The following CCDC174 variants were observed in gnomAD, a reference collection of about 807,000 sequenced individuals.
CCDC174 encodes the protein coiled-coil domain containing 174, also known as coiled-coil domain-containing protein 174.
In CCDC174, 37 loss-of-function variants were observed where a neutral mutation model predicts 57.1. The ratio of observed to expected loss-of-function variants is 0.65; its 90% CI spans 0.50 to 0.85. The LOEUF is 0.85. Ranked by LOEUF, CCDC174 falls within the 40% of genes least tolerant of loss-of-function variation. The pLI is 0.00. For synonymous variants in CCDC174, 182 were observed against 190.2 expected, an observed-to-expected ratio of 0.96 and a Z score of 0.35; for missense variants, 540 against 574.3, an observed-to-expected ratio of 0.94 and a Z score of 0.61.
chr3:14,667,079 A>G lies in CCDC174; in HGVS notation c.724+132A>G, dbSNP rs2031367917. On this transcript the variant is annotated intron_variant, in intron 7 of 10. Coordinates refer to ENST00000383794, the MANE Select transcript of CCDC174 (RefSeq NM_016474.5). ...AGATCCTGCTTTGGAAATAGAAAATATCTCCTTTGTTCACTTCATAGCCTT... is the reference window on the plus strand; with the variant it reads ...AGATCCTGCTTTGGAAATAGAAAATGTCTCCTTTGTTCACTTCATAGCCTT... 22 of 783,192 alleles carry G rather than the reference A, an allele frequency of 2.8e-5. No homozygotes were observed. In the South Asian group the frequency reaches 4.4e-4, roughly 15 times the overall value. The allele number at this position is 783,192 out of a possible 1,614,324, so 48.5% of individuals were successfully genotyped here.
chr3:14,666,568 A>G (rs1431130839), intron 6 of CCDC174, among the ~76,000 whole-genome samples: 1 of 152,070 alleles, frequency 6.6e-6, no homozygotes, highest in African/African-American at 2.4e-5. Context: ...GGTTGCAGTG[A>G]GCCGAGATCG....
chr3:14,667,498 T>G lies in CCDC174; in HGVS notation c.799T>G (p.Leu267Val). 1 of 1,613,674 alleles carries G rather than the reference T, an allele frequency of 6.2e-7. No individual in the cohort carries two copies. The change falls in exon 8 of 11, where the codon TTA (leucine) becomes GTA (valine). Residue 267 changes from leucine (L) to valine (V), a missense_variant. Leu to Val is a conservative substitution (Grantham distance 32). Coordinates refer to ENST00000383794, the MANE Select transcript of CCDC174 (RefSeq NM_016474.5). ...KELRNKQMKT[L>V]EMLREQTTDQ... ...GTTGAGAAACAAGCAGATGAAAACC[T>G]TAGAGATGCTGCGTGAACAGGTACA...
At chr3:14,655,697 A>G (rs921636402) in intron 3 of CCDC174, 68 bp downstream of exon 3, 4 of 1,001,968 alleles carry the variant, frequency 4.0e-6, no homozygotes, top group Non-Finnish European at 4.5e-6. Flanking sequence ...TGGAAGTTCA[A>G]ATTTTGTCCT....
intron 3 of CCDC174, among the ~76,000 whole-genome samples, chr3:14,656,268 G>T (rs1373439218): frequency 6.6e-6 from 1 of 152,016 alleles, no homozygotes; most frequent in Non-Finnish European, 1.5e-5. Context: ...GTACAATTAT[G>T]TATTTTATAG....
At chr3:14,654,074 A>C (rs2030869764) in intron 1 of CCDC174, among the ~76,000 whole-genome samples, 1 of 152,260 alleles carries the variant, frequency 6.6e-6, no homozygotes, top group African/African-American at 2.4e-5. Flanking sequence ...AAATGAGTGC[A>C]GTGCTAGTCA....
intron 7 of CCDC174, 44 bp downstream of exon 7, chr3:14,666,991 T>C: frequency 6.6e-7 from 1 of 1,508,528 alleles, no homozygotes; most frequent in Non-Finnish European, 9.0e-7. Context: ...ATTTTTAACC[T>C]TAAACTGATG....
At chr3:14,661,121 GC>G (rs1351638426) in intron 4 of CCDC174, among the ~76,000 whole-genome samples, 3 of 152,196 alleles carry the variant, frequency 2.0e-5, no homozygotes, top group Non-Finnish European at 4.4e-5. Context: ...TAGTGATCCA[GC>G]CCACATGGTG....
chr3:14,665,046 T>C lies in CCDC174; in HGVS notation c.504T>C (p.Ser168=). The change falls in exon 6 of 11, where the codon TCT becomes TCC. Residue 168 remains serine, a synonymous_variant. Coordinates refer to ENST00000383794, the MANE Select transcript of CCDC174 (RefSeq NM_016474.5). ...ATTTCAGGGTGGATTACGTGGACTC[T>C]TTGGGGCGTTCCCGGCGCTGTATGA... ...PSEEWVDYVD[S]LGRSRRCMRK... The C allele has an allele frequency of 6.2e-7, 1 of 1,614,052 alleles. No individual in the cohort carries two copies. Among genetic ancestry groups the C allele is most frequent in the Non-Finnish European group, 8.5e-7 (1 of 1,179,916 alleles).
In CCDC174 at chr3:14,651,938, A is replaced by G; in HGVS notation, c.42+60A>G. The G allele has an allele frequency of 1.9e-6, 3 of 1,541,732 alleles. No individual in the cohort carries two copies. The African/African-American group carries it at 4.1e-5, about 21-fold the overall frequency. On this transcript the variant is annotated intron_variant, in intron 1 of 10. Coordinates refer to ENST00000383794, the MANE Select transcript of CCDC174 (RefSeq NM_016474.5). ...GGGTTCACCGTGTCTCCATCAGACA[A>G]GAATGTCGACCTAGCTTGTTTCTTC...
At chr3:14,660,576 T>C (rs2031097644) in intron 4 of CCDC174, among the ~76,000 whole-genome samples, 1 of 152,240 alleles carries the variant, frequency 6.6e-6, no homozygotes, top group Admixed American at 6.5e-5. Context: ...ATGTTGTTAA[T>C]ATAGAAATCA....
chr3:14,664,929 T>G, intron 5 of CCDC174, 99 bp from the exon 6 acceptor site: 1 of 816,614 alleles, frequency 1.2e-6, no homozygotes. Context: ...TTCTTGGTAG[T>G]GAGGCCTATC....
chr3:14,669,671 C>G (rs1415684705), intron 9 of CCDC174, among the ~76,000 whole-genome samples: 2 of 152,170 alleles, frequency 1.3e-5, no homozygotes, highest in African/African-American at 4.8e-5. Flanking sequence ...CAGCCCGTAT[C>G]ACTTTCTACC....
intron 5 of CCDC174, among the ~76,000 whole-genome samples, chr3:14,663,860 T>A (rs1171188564): frequency 6.6e-6 from 1 of 152,260 alleles, no homozygotes; most frequent in East Asian, 1.9e-4. Context: ...TGCCACCATA[T>A]GGTGAAGGAA....
At chr3:14,652,540 C>T (rs1172414505) in intron 1 of CCDC174, among the ~76,000 whole-genome samples, 1 of 152,164 alleles carries the variant, frequency 6.6e-6, no homozygotes, top group Non-Finnish European at 1.5e-5. Context: ...CTATTAATAT[C>T]TCCGTTTTAT....
At position 14,658,884 on chromosome 3, in the gene CCDC174, G is replaced by C. The variant is rs767043059; in HGVS notation, c.262G>C (p.Glu88Gln). 30 of 1,537,084 alleles carry C rather than the reference G, an allele frequency of 2.0e-5. No homozygotes were observed. Among genetic ancestry groups the C allele is most frequent in the Non-Finnish European group, 2.6e-5 (29 of 1,124,650 alleles). Residue 88 changes from glutamate (E) to glutamine (Q), a missense_variant, in exon 4 of 11, where the codon GAA (glutamate) becomes CAA (glutamine). Physicochemically the swap from Glu to Gln is conservative, Grantham distance 29 (BLOSUM62 2). Coordinates refer to ENST00000383794, the MANE Select transcript of CCDC174 (RefSeq NM_016474.5). Reference sequence around the variant, plus strand: ...TTTTTCTCCTAGGGAAAAATTGGAAGAAAAAGCCAAATTATATGAAAAAAT... The same window carrying C: ...TTTTTCTCCTAGGGAAAAATTGGAACAAAAAGCCAAATTATATGAAAAAAT... ...TLDKAREKLE[E>Q]KAKLYEKMTK... is the part of the protein sequence containing the mutation.
intron 10 of CCDC174, among the ~76,000 whole-genome samples, chr3:14,670,465 C>T (rs186147319): frequency 5.0e-4 from 76 of 152,296 alleles, no homozygotes; most frequent in Middle Eastern, 3.4e-3. Flanking sequence ...AACATTAGCC[C>T]ATGCTGTCTG....
Position 14,656,174 on chromosome 3 carries a change from C to T in CCDC174, c.248+545C>T, listed in dbSNP as rs967881754. 6.6e-5 allele frequency among the ~76,000 whole-genome samples: 10 copies of T among 152,198 alleles called. No homozygotes were observed. The South Asian group carries it at 1.9e-3, about 28-fold the overall frequency. Reference sequence around the variant, plus strand: ...ACATTTTCCTACATAACCACAATACCGCTATCAAACCCAAGAAATTTAACA... The same window carrying T: ...ACATTTTCCTACATAACCACAATACTGCTATCAAACCCAAGAAATTTAACA... On this transcript the variant is annotated intron_variant, in intron 3 of 10. Transcript: ENST00000383794.
chr3:14,669,656 G>A (rs938081766), intron 9 of CCDC174, among the ~76,000 whole-genome samples: 2 of 152,076 alleles, frequency 1.3e-5, no homozygotes, highest in Admixed American at 6.6e-5. Context: ...CCCAGCCCAG[G>A]ACTCCAGCCC....
intron 6 of CCDC174, 103 bp from the exon 7 acceptor site, chr3:14,666,702 C>G: frequency 1.1e-6 from 1 of 924,562 alleles, no homozygotes; most frequent in Non-Finnish European, 1.6e-6. Flanking sequence ...TCCCTGTTTT[C>G]TTTATCAAAT....
Sources: allele counts gnomAD v4.1 joint callset (sites outside exome capture counted in the v4.1 genomes callset), GRCh38; gene constraint gnomAD v4.1.1; transcripts MANE v1.5; gene names NCBI Gene and HGNC (gene_info 2026-07-23, HGNC 2026-07-21).